TSHZ3: variants seen among roughly 807,000 people sequenced by gnomAD.
TSHZ3 encodes the protein teashirt homolog 3.
Under a neutral mutation model 64.5 loss-of-function variants are expected in TSHZ3, and 10 were observed. The observed-to-expected ratio is 0.16, with a 90% confidence interval of 0.10 to 0.26. The LOEUF is 0.26. Ranked by LOEUF, TSHZ3 falls within the 10% of genes least tolerant of loss-of-function variation. TSHZ3 has a pLI of 1.00. For synonymous variants in TSHZ3, 608 were observed against 593.1 expected (o/e 1.03, Z -0.36); for missense variants, 1,242 against 1,421.7 (o/e 0.87, Z 2.03).
At chr19:31,285,993 A>G (rs1976455427) in intron 1 of TSHZ3, among the ~76,000 whole-genome samples, 1 of 152,132 alleles carries the variant, frequency 6.6e-6, no homozygotes, top group South Asian at 2.1e-4. Flanking sequence ...AGAAGCACAC[A>G]GAAGTGATCA....
At chr19:31,262,539 T>A (rs1568362529) in intron 1 of TSHZ3, among the ~76,000 whole-genome samples, 2 of 152,230 alleles carry the variant, frequency 1.3e-5, no homozygotes, top group Non-Finnish European at 2.9e-5. Flanking sequence ...GTGCTTTTTT[T>A]TAAAAAATTT....
intron 5 of TSHZ3, among the ~76,000 whole-genome samples, chr19:31,159,717 G>C (rs1010480614): frequency 6.6e-6 from 1 of 151,402 alleles, no homozygotes; most frequent in Non-Finnish European, 1.5e-5. Context: ...TTTTCAGATA[G>C]GTTCTCATTC....
intron 1 of TSHZ3, among the ~76,000 whole-genome samples, chr19:31,287,350 C>T (rs1471457273): frequency 2.0e-5 from 3 of 152,132 alleles, no homozygotes; most frequent in East Asian, 1.9e-4. Context: ...ATTCCTTTTC[C>T]GCATGTCTTC....
chr19:31,276,229 C>T lies in TSHZ3; in HGVS notation c.*318G>A, dbSNP rs1218381193. On this transcript the variant is annotated 3_prime_UTR_variant, in exon 2 of 2. Coordinates refer to ENST00000240587, the MANE Select transcript of TSHZ3 (RefSeq NM_020856.4). ...CTCGTGGAAAAGGTGTGCCTGATTC[C>T]GTTATAAATGCTTAATTAAACTGTC... 4 of 214,604 alleles carry T rather than the reference C, an allele frequency of 1.9e-5. No homozygotes were observed. Among genetic ancestry groups the T allele is most frequent in the Non-Finnish European group, 3.7e-5 (4 of 109,212 alleles). The allele number at this position is 214,604 out of a possible 1,614,324, so 13.3% of individuals were successfully genotyped here. A position where few individuals can be genotyped will look rare whatever the true frequency, so the allele number is the denominator to read the frequency against.
intron 5 of TSHZ3, among the ~76,000 whole-genome samples, chr19:31,165,847 T>C (rs530266436): frequency 6.6e-5 from 10 of 152,204 alleles, no homozygotes; most frequent in Non-Finnish European, 1.3e-4. Context: ...ATTTTATTTG[T>C]ATTGGTAAAA....
Position 31,326,832 on chromosome 19 carries a change from T to C in TSHZ3, c.40+22348A>G, listed in dbSNP as rs148151465. Among the ~76,000 whole-genome samples the C allele has an allele frequency of 1.1e-4, 17 of 152,340 alleles. 1 individual carries two copies. In the South Asian group the frequency reaches 2.3e-3, roughly 20 times the overall value. On this transcript the variant is annotated intron_variant, in intron 1 of 1. Transcript: ENST00000240587. ...CAGTCTCCCTTACTGTAAACATTTG[T>C]GCAACTTCAAATAAATATCCTCCCC...
intron 1 of TSHZ3, chr19:31,305,545 G>A (rs1916268356): frequency 6.6e-6 from 1 of 152,158 alleles, no homozygotes; most frequent in South Asian, 2.1e-4. Context: ...CCCTGCAGCA[G>A]GCATCCTTAA....
chr19:31,168,447 G>A (rs750380506), intron 5 of TSHZ3, among the ~76,000 whole-genome samples: 17 of 152,296 alleles, frequency 1.1e-4, no homozygotes, highest in South Asian at 2.1e-4. Flanking sequence ...GCCAAGCTGC[G>A]ATTGTCCAAA....
At chr19:31,301,784 G>A (rs1387505407) in intron 1 of TSHZ3, among the ~76,000 whole-genome samples, 2 of 152,082 alleles carry the variant, frequency 1.3e-5, no homozygotes, top group African/African-American at 4.8e-5. Context: ...AGCATGCTTC[G>A]ATTTTTAAAA....
chr19:31,306,695 G>T (rs1034390525), intron 1 of TSHZ3, among the ~76,000 whole-genome samples: 6 of 151,994 alleles, frequency 3.9e-5, no homozygotes, highest in Non-Finnish European at 8.8e-5. Context: ...AGATACCCTG[G>T]GCTAGGTTTG....
At chr19:31,301,977 G>A (rs1166284746) in intron 1 of TSHZ3, among the ~76,000 whole-genome samples, 1 of 152,036 alleles carries the variant, frequency 6.6e-6, no homozygotes, top group Non-Finnish European at 1.5e-5. Flanking sequence ...CCACACCCTG[G>A]ACATCTTAGT....
intron 1 of TSHZ3, among the ~76,000 whole-genome samples, chr19:31,301,205 A>C (rs904469589): frequency 9.9e-5 from 15 of 151,992 alleles, no homozygotes; most frequent in African/African-American, 3.6e-4. Flanking sequence ...TCCCTCTGCA[A>C]AGAAGCGGGT....
At chr19:31,199,518 G>A (rs973201192) in intron 5 of TSHZ3, among the ~76,000 whole-genome samples, 1 of 148,824 alleles carries the variant, frequency 6.7e-6, no homozygotes, top group Non-Finnish European at 1.5e-5. Context: ...CAAGACAACA[G>A]AACATCCACA....
chr19:31,247,244 C>T (rs911453271), intron 1 of TSHZ3, among the ~76,000 whole-genome samples: 74 of 152,086 alleles, frequency 4.9e-4, no homozygotes, highest in Admixed American at 8.5e-4. Flanking sequence ...TCCCATAAGA[C>T]GCTTACTTAT....
intron 1 of TSHZ3, among the ~76,000 whole-genome samples, chr19:31,283,631 G>A (rs1446241663): frequency 1.3e-5 from 2 of 152,140 alleles, no homozygotes; most frequent in Non-Finnish European, 2.9e-5. Context: ...TATTTGTAAC[G>A]TCCTTCCTCG....
At chr19:31,348,298 C>T (rs2021573471) in intron 1 of TSHZ3, among the ~76,000 whole-genome samples, 1 of 152,126 alleles carries the variant, frequency 6.6e-6, no homozygotes, top group African/African-American at 2.4e-5. Context: ...TCAAGGATGG[C>T]AACGGGCCAG....
chr19:31,347,783 C>T (rs928626841), intron 1 of TSHZ3, among the ~76,000 whole-genome samples: 1 of 152,190 alleles, frequency 6.6e-6, no homozygotes, highest in African/African-American at 2.4e-5. Flanking sequence ...CAGGCAAGTA[C>T]ATTTCTGGGA....
chr19:31,286,814 C>G (rs999224103), intron 1 of TSHZ3, among the ~76,000 whole-genome samples: 20 of 152,202 alleles, frequency 1.3e-4, no homozygotes, highest in Admixed American at 2.0e-4. Flanking sequence ...CTCAGCTCAC[C>G]AGTGGTGTGG....
intron 1 of TSHZ3, among the ~76,000 whole-genome samples, chr19:31,311,904 A>G (rs946096689): frequency 3.3e-5 from 5 of 151,970 alleles, no homozygotes; most frequent in Non-Finnish European, 7.4e-5. Context: ...TTGTATTTTT[A>G]GTAGAGATGG....
Sources: allele counts gnomAD v4.1 joint callset (sites outside exome capture counted in the v4.1 genomes callset), GRCh38; gene constraint gnomAD v4.1.1; transcripts MANE v1.5; gene names NCBI Gene and HGNC (gene_info 2026-07-23, HGNC 2026-07-21).